The following MGLL variants were observed in gnomAD, a reference collection of about 807,000 sequenced individuals.
MGLL encodes monoglyceride lipase, also known as lysophospholipase homolog.
In MGLL, 7 loss-of-function variants were observed where a neutral mutation model predicts 29.1. The ratio of observed to expected loss-of-function variants is 0.24; its 90% confidence interval spans 0.14 to 0.45. The LOEUF (loss-of-function observed/expected upper bound fraction) is 0.45. Among genes scored for constraint, MGLL ranks in the 20% least tolerant of loss-of-function variants. MGLL has a pLI of 0.99. For synonymous variants in MGLL, 148 were observed against 168.3 expected (o/e 0.88, Z 0.93); for missense variants, 356 against 413.6 (o/e 0.86, Z 1.21).
In MGLL at chr3:127,748,616, A is replaced by T. The variant is rs2076498600; in HGVS notation, c.263-26050T>A. ...CAAATGTACACACTAGATGGGGAGG[A>T]CCATGTGAGGACACAGGGAGAAGAC... On this transcript the variant is annotated intron_variant, in intron 3 of 7. Transcript: ENST00000265052. Among the ~76,000 whole-genome samples, 3 of 151,756 alleles carry T rather than the reference A, an allele frequency of 2.0e-5. No homozygotes were observed. In the Admixed American group the frequency reaches 2.0e-4, roughly 10 times the overall value.
At chr3:127,790,020 G>A (rs1478719977) in intron 2 of MGLL, among the ~76,000 whole-genome samples, 1 of 152,222 alleles carries the variant, frequency 6.6e-6, no homozygotes, top group Non-Finnish European at 1.5e-5. Flanking sequence ...GGTGGGTAAA[G>A]TGACAATCAC....
intron 3 of MGLL, among the ~76,000 whole-genome samples, chr3:127,764,988 C>G (rs1224631196): frequency 6.6e-6 from 1 of 152,138 alleles, no homozygotes; most frequent in Non-Finnish European, 1.5e-5. Flanking sequence ...AGTCACATAG[C>G]AAATAAGTGG....
At chr3:127,696,977 C>T (rs1576469322) in intron 6 of MGLL, among the ~76,000 whole-genome samples, 1 of 152,250 alleles carries the variant, frequency 6.6e-6, no homozygotes, top group South Asian at 2.1e-4. Context: ...GAGAGGCTGT[C>T]CTGCAGTCAC....
chr3:127,764,666 CA>C (rs2107686157), intron 3 of MGLL, among the ~76,000 whole-genome samples: 1 of 152,306 alleles, frequency 6.6e-6, no homozygotes, highest in East Asian at 1.9e-4. Context: ...ATATGAATAT[CA>C]TCTCTCTCTG....
intron 3 of MGLL, among the ~76,000 whole-genome samples, chr3:127,760,417 G>A (rs957479881): frequency 6.6e-6 from 1 of 152,238 alleles, no homozygotes; most frequent in African/African-American, 2.4e-5. Flanking sequence ...CGTGGGTGCT[G>A]AGGAATGAAG....
intron 2 of MGLL, among the ~76,000 whole-genome samples, chr3:127,784,833 G>A (rs1367657629): frequency 6.6e-6 from 1 of 152,166 alleles, no homozygotes; most frequent in Non-Finnish European, 1.5e-5. Context: ...ACCTTAGGGT[G>A]TTTGGTAAAT....
At position 127,822,343 on chromosome 3, in the gene MGLL, A is replaced by G. The variant is rs563222110; in HGVS notation, c.-25T>C. ...TTATGTGCTGGCGTTTGCATTCCAC[A>G]ACCACGACAGCCTGGAGAATCAGAA... On this transcript the variant is annotated 5_prime_UTR_variant, in exon 1 of 8. Transcript: ENST00000265052. 8.7e-6 allele frequency: 14 copies of G among 1,613,624 alleles called. 1 individual carries two copies. In the South Asian group the frequency reaches 1.4e-4, roughly 16 times the overall value.
Position 127,722,632 on chromosome 3 carries a change from T to C in MGLL, c.263-66A>G, listed in dbSNP as rs1576504030. 5 of 1,603,382 alleles carry C rather than the reference T, an allele frequency of 3.1e-6. No homozygotes were observed. The East Asian group carries it at 8.9e-5, about 29-fold the overall frequency. ...GGTCGACTCCTACACAAGCCCAGAG[T>C]TCTCCTCACTGCAATCGCTCTCTCT... On this transcript the variant is annotated intron_variant, in intron 3 of 7. Coordinates refer to ENST00000265052, the MANE Select transcript of MGLL (RefSeq NM_007283.7).
chr3:127,778,992 C>A (rs549793505), intron 3 of MGLL, among the ~76,000 whole-genome samples: 10 of 152,122 alleles, frequency 6.6e-5, no homozygotes, highest in Admixed American at 6.5e-4. Context: ...TGGCCTCAAG[C>A]GATCCTCCCA....
At chr3:127,757,998 T>C (rs1210114779) in intron 3 of MGLL, among the ~76,000 whole-genome samples, 1 of 152,160 alleles carries the variant, frequency 6.6e-6, no homozygotes, top group Non-Finnish European at 1.5e-5. Context: ...AAACTGAGGA[T>C]CTCTGGGCCC....
chr3:127,734,539 G>C (rs2076210591), intron 3 of MGLL, among the ~76,000 whole-genome samples: 1 of 152,170 alleles, frequency 6.6e-6, no homozygotes, highest in Non-Finnish European at 1.5e-5. Context: ...CAACCACAGA[G>C]TGTCTCCCTG....
intron 2 of MGLL, among the ~76,000 whole-genome samples, chr3:127,797,753 G>A (rs536283253): frequency 3.4e-4 from 51 of 152,192 alleles, no homozygotes; most frequent in South Asian, 1.9e-3. Context: ...GACTATAGGC[G>A]CGAGCCACCA....
chr3:127,822,133 AT>A, intron 1 of MGLL, 175 bp downstream of exon 1: 1 of 742,952 alleles, frequency 1.3e-6, no homozygotes. Context: ...CTTAAAGACT[AT>A]TTTAGCTGTA....
At chr3:127,724,508 A>T (rs549821084) in intron 3 of MGLL, among the ~76,000 whole-genome samples, 4 of 152,318 alleles carry the variant, frequency 2.6e-5, no homozygotes, top group Non-Finnish European at 5.9e-5. Context: ...ATTGTGAATG[A>T]TGCTGCTGTG....
intron 2 of MGLL, among the ~76,000 whole-genome samples, chr3:127,815,579 G>C (rs937984372): frequency 3.3e-5 from 5 of 152,190 alleles, no homozygotes; most frequent in African/African-American, 1.2e-4. Context: ...ATACAAAGCT[G>C]GGGCCCCTAC....
intron 3 of MGLL, among the ~76,000 whole-genome samples, chr3:127,748,276 G>A (rs956096460): frequency 2.0e-5 from 3 of 151,990 alleles, no homozygotes; most frequent in Non-Finnish European, 2.9e-5. Context: ...AATTAAATCC[G>A]AGTCATTCTC....
chr3:127,775,252 C>G (rs1449154882), intron 3 of MGLL, among the ~76,000 whole-genome samples: 1 of 152,172 alleles, frequency 6.6e-6, no homozygotes, highest in Non-Finnish European at 1.5e-5. Flanking sequence ...CTCTTGAAGA[C>G]TTAAAGGGCA....
chr3:127,815,646 C>T (rs954397383), intron 2 of MGLL, among the ~76,000 whole-genome samples: 12 of 152,188 alleles, frequency 7.9e-5, no homozygotes, highest in African/African-American at 2.4e-4. Flanking sequence ...GTGCCCTTTC[C>T]GAGGGTGGAA....
At chr3:127,763,133 G>T (rs1197182015) in intron 3 of MGLL, among the ~76,000 whole-genome samples, 1 of 152,210 alleles carries the variant, frequency 6.6e-6, no homozygotes, top group Non-Finnish European at 1.5e-5. Context: ...CACCATGCAA[G>T]GTCCTTATTA....
Sources: allele counts gnomAD v4.1 joint callset (sites outside exome capture counted in the v4.1 genomes callset), GRCh38; gene constraint gnomAD v4.1.1; transcripts MANE v1.5; gene names NCBI Gene and HGNC (gene_info 2026-07-23, HGNC 2026-07-21).